The following NRXN3 variants were observed in gnomAD, a reference collection of about 807,000 sequenced individuals.
NRXN3 encodes neurexin III.
A neutral mutation model predicts 137.6 loss-of-function variants in NRXN3; 32 were observed. That is an observed-to-expected ratio of 0.23 (90% confidence interval 0.18 to 0.31). The LOEUF is 0.31. NRXN3 is among the 10% of genes least tolerant of loss of function. The pLI, the probability that NRXN3 is intolerant of heterozygous loss-of-function variation, is 1.00. For missense variants in NRXN3, 1,574 were observed against 2,062.5 expected (o/e 0.76, Z 4.59); for synonymous variants, 798 against 784.5 (o/e 1.02, Z -0.29).
chr14:79,769,645 A>T (rs993020523), intron 19 of NRXN3, among the ~76,000 whole-genome samples: 1 of 152,194 alleles, frequency 6.6e-6, no homozygotes, highest in Non-Finnish European at 1.5e-5. Context: ...GAAAGGAACA[A>T]CCGATACCAG....
chr14:79,154,820 C>T (rs550100392), intron 15 of NRXN3, among the ~76,000 whole-genome samples: 66 of 152,000 alleles, frequency 4.3e-4, no homozygotes, highest in Admixed American at 3.2e-3. Flanking sequence ...GGTAATGAAA[C>T]GTAATCCAAT....
intron 16 of NRXN3, among the ~76,000 whole-genome samples, chr14:79,644,932 C>T (rs575531468): frequency 1.8e-4 from 24 of 135,692 alleles, no homozygotes; most frequent in African/African-American, 5.9e-4. Flanking sequence ...CACTGCTGCT[C>T]GACTCATGTG....
chr14:79,518,688 C>T lies in NRXN3; in HGVS notation c.3444+51286C>T, dbSNP rs540128363. On this transcript the variant is annotated intron_variant, in intron 16 of 20. Transcript: ENST00000335750. ...TATCACTCTCTTTCCAGTTTTATATCTCCAATTTCTCTTGTTTAATTGCAT... is the reference window on the plus strand; with the variant it reads ...TATCACTCTCTTTCCAGTTTTATATTTCCAATTTCTCTTGTTTAATTGCAT... Among the ~76,000 whole-genome samples the T allele has an allele frequency of 2.6e-5, 4 of 152,212 alleles. No homozygotes were observed. The East Asian group carries it at 7.7e-4, about 29-fold the overall frequency.
intron 15 of NRXN3, among the ~76,000 whole-genome samples, chr14:79,034,946 T>G (rs2099613721): frequency 6.6e-6 from 1 of 152,116 alleles, no homozygotes; most frequent in Non-Finnish European, 1.5e-5. Flanking sequence ...GAGAATCATC[T>G]GTGAGATTAA....
At chr14:79,345,914 G>A (rs760450771) in intron 15 of NRXN3, among the ~76,000 whole-genome samples, 10 of 151,960 alleles carry the variant, frequency 6.6e-5, no homozygotes, top group Admixed American at 2.0e-4. Flanking sequence ...TTTCTTTATG[G>A]CACCACAAAA....
chr14:79,334,118 C>T (rs976179171), intron 15 of NRXN3, among the ~76,000 whole-genome samples: 4 of 152,026 alleles, frequency 2.6e-5, no homozygotes. Flanking sequence ...GTGTGAGGCC[C>T]AGGGGATGGG....
chr14:78,604,987 T>C (rs1376757898), intron 4 of NRXN3, among the ~76,000 whole-genome samples: 1 of 152,074 alleles, frequency 6.6e-6, no homozygotes, highest in Non-Finnish European at 1.5e-5. Context: ...ATTTAGAAAA[T>C]ATATTGTCAG....
intron 15 of NRXN3, among the ~76,000 whole-genome samples, chr14:79,294,180 T>C (rs1308546417): frequency 1.3e-5 from 2 of 152,230 alleles, no homozygotes; most frequent in Non-Finnish European, 2.9e-5. Context: ...GATTATTTTA[T>C]CTTTATTTCC....
chr14:79,484,550 C>A (rs1415253061), intron 16 of NRXN3, among the ~76,000 whole-genome samples: 1 of 152,146 alleles, frequency 6.6e-6, no homozygotes, highest in Non-Finnish European at 1.5e-5. Context: ...GGAGCCATTG[C>A]CATTTTTATG....
intron 15 of NRXN3, among the ~76,000 whole-genome samples, chr14:79,427,645 A>G (rs1682983890): frequency 6.6e-6 from 1 of 152,100 alleles, no homozygotes; most frequent in African/African-American, 2.4e-5. Flanking sequence ...CAGCCTGGCC[A>G]ACATGGTGAA....
At chr14:79,239,474 G>A (rs2073940751) in intron 15 of NRXN3, among the ~76,000 whole-genome samples, 1 of 152,144 alleles carries the variant, frequency 6.6e-6, no homozygotes, top group East Asian at 1.9e-4. Flanking sequence ...GGAAACAAAA[G>A]GTAAGGAGAT....
chr14:78,723,896 G>A (rs979990282), intron 8 of NRXN3, among the ~76,000 whole-genome samples: 7 of 152,144 alleles, frequency 4.6e-5, no homozygotes, highest in African/African-American at 1.7e-4. Context: ...TGGACCATAA[G>A]AGAACATACC....
intron 4 of NRXN3, among the ~76,000 whole-genome samples, chr14:78,634,107 T>C (rs979481179): frequency 1.3e-5 from 2 of 152,224 alleles, no homozygotes; most frequent in Non-Finnish European, 2.9e-5. Context: ...TACTCCAGAC[T>C]CCAGCCTTGT....
intron 19 of NRXN3, among the ~76,000 whole-genome samples, chr14:79,779,889 G>C (rs1296282395): frequency 6.6e-6 from 1 of 152,086 alleles, no homozygotes; most frequent in Non-Finnish European, 1.5e-5. Context: ...TTTTGAGACA[G>C]AGTCTTGCTC....
chr14:79,053,619 A>C (rs2099645536), intron 15 of NRXN3, among the ~76,000 whole-genome samples: 1 of 80,460 alleles, frequency 1.2e-5, no homozygotes, highest in Non-Finnish European at 2.6e-5. Context: ...TGTGTGCTGT[A>C]TGCCGTGTGT....
At chr14:79,519,768 CTTTTTTTT>C (rs200757761) in intron 16 of NRXN3, among the ~76,000 whole-genome samples, 229 of 119,368 alleles carry the variant, frequency 1.9e-3, no homozygotes, top group African/African-American at 6.4e-3. Flanking sequence ...AATAGTATTT[CTTTTTTTT>C]TTTTTTTTTT....
intron 15 of NRXN3, among the ~76,000 whole-genome samples, chr14:79,048,892 G>A (rs1208071214): frequency 2.7e-5 from 4 of 148,142 alleles, no homozygotes; most frequent in South Asian, 2.2e-4. Flanking sequence ...GCATGGTGGC[G>A]CGTGCCTGTA....
At chr14:79,816,877 A>C (rs1207494967) in intron 20 of NRXN3, among the ~76,000 whole-genome samples, 3 of 152,220 alleles carry the variant, frequency 2.0e-5, no homozygotes, top group Admixed American at 2.0e-4. Context: ...AGTTTTTAAA[A>C]AGATGATTTT....
At chr14:78,935,592 A>G (rs1048362944) in intron 10 of NRXN3, among the ~76,000 whole-genome samples, 8 of 152,212 alleles carry the variant, frequency 5.3e-5, no homozygotes, top group African/African-American at 1.7e-4. Flanking sequence ...TTGACAAGGA[A>G]AAAGTTCTGC....
Sources: gnomAD v4.1 joint callset for allele counts (sites outside exome capture counted in the v4.1 genomes callset) on GRCh38, gnomAD v4.1.1 for gene constraint, MANE v1.5 for transcripts, NCBI Gene and HGNC (gene_info 2026-07-23, HGNC 2026-07-21) for gene names.